DOCK10: variants seen among roughly 807,000 people sequenced by gnomAD.
The protein encoded by DOCK10 is dedicator of cytokinesis protein 10.
DOCK10 carries 145 observed loss-of-function variants against 280.1 expected under a neutral mutation model. That is an observed-to-expected ratio of 0.52 (90% CI 0.45 to 0.59). The LOEUF is 0.59. Among genes scored for constraint, DOCK10 ranks in the 20% least tolerant of loss-of-function variants. The probability of loss-of-function intolerance (pLI) is 0.00; values close to 1 mark genes in which losing one functional copy is unlikely to be tolerated. For missense variants in DOCK10, 2,368 were observed against 2,651.7 expected (o/e 0.89, Z 2.35); for synonymous variants, 915 against 942.2 (o/e 0.97, Z 0.53).
chr2:224,839,164 C>T (rs113171668), intron 24 of DOCK10, among the ~76,000 whole-genome samples: 2,542 of 152,006 alleles, frequency 0.017, 66 homozygotes, highest in African/African-American at 0.057. Context: ...CTGCAAGCTC[C>T]GCCTCCTGGG....
chr2:224,946,717 T>G (rs527658943), intron 1 of DOCK10: 13 of 552,968 alleles, frequency 2.4e-5, no homozygotes, highest in Non-Finnish European at 3.5e-5. Context: ...AGGACCCAAA[T>G]GGAATCTTCT....
chr2:224,858,970 T>A (rs1697327923), intron 14 of DOCK10, among the ~76,000 whole-genome samples: 1 of 152,120 alleles, frequency 6.6e-6, no homozygotes, highest in African/African-American at 2.4e-5. Flanking sequence ...AGCAGACATA[T>A]TTTTTGTGTG....
intron 42 of DOCK10, among the ~76,000 whole-genome samples, 165 bp downstream of exon 42, chr2:224,797,667 G>A (rs980180936): frequency 6.6e-6 from 1 of 152,198 alleles, no homozygotes; most frequent in East Asian, 1.9e-4. Flanking sequence ...TGTCAAGGCT[G>A]TGCACTCATT....
At chr2:225,011,453 G>A (rs191026961) in intron 1 of DOCK10, among the ~76,000 whole-genome samples, 1 of 152,294 alleles carries the variant, frequency 6.6e-6, no homozygotes, top group Admixed American at 6.5e-5. Flanking sequence ...TTAACTCTTA[G>A]AGTGTTGAAT....
intron 1 of DOCK10, among the ~76,000 whole-genome samples, chr2:224,957,070 T>G (rs978885368): frequency 1.3e-5 from 2 of 152,196 alleles, no homozygotes; most frequent in Non-Finnish European, 2.9e-5. Flanking sequence ...ATTTGTTGTT[T>G]GTGTGTGGGG....
intron 27 of DOCK10, among the ~76,000 whole-genome samples, chr2:224,825,269 C>T (rs1252900271): frequency 7.9e-5 from 12 of 152,070 alleles, no homozygotes; most frequent in African/African-American, 1.7e-4. Context: ...TGAGCCACCC[C>T]GCCTGGCCAG....
chr2:224,902,188 G>A (rs370888040), intron 3 of DOCK10, among the ~76,000 whole-genome samples: 72 of 152,212 alleles, frequency 4.7e-4, no homozygotes, highest in African/African-American at 1.6e-3. Context: ...AGCAATTTGG[G>A]TTTGGCAATG....
intron 1 of DOCK10, among the ~76,000 whole-genome samples, chr2:224,983,004 T>C (rs1253805917): frequency 6.6e-6 from 1 of 152,196 alleles, no homozygotes; most frequent in Non-Finnish European, 1.5e-5. Context: ...TGTTCCCCTG[T>C]GATTTCCTCT....
chr2:224,866,306 G>C (rs1396163694), intron 11 of DOCK10, among the ~76,000 whole-genome samples: 2 of 152,130 alleles, frequency 1.3e-5, no homozygotes, highest in African/African-American at 2.4e-5. Flanking sequence ...TGGGTCTGTT[G>C]TATGTGTCCT....
At chr2:224,838,013 A>G (rs1430687765) in intron 24 of DOCK10, among the ~76,000 whole-genome samples, 182 bp from the exon 25 acceptor site, 2 of 152,214 alleles carry the variant, frequency 1.3e-5, no homozygotes, top group Non-Finnish European at 1.5e-5. Context: ...TTTAATATCT[A>G]TAGCATCAAT....
intron 3 of DOCK10, among the ~76,000 whole-genome samples, chr2:224,909,807 T>TTTTTTTGTTTTTGTTTTTTGTTTTTTG (rs1553611074): frequency 8.5e-5 from 13 of 152,076 alleles, no homozygotes; most frequent in Non-Finnish European, 1.3e-4. Context: ...TGCAGTGTTT[T>TTTTTTTGTTTTTGTTTTTTGTTTTTTG]AATGGATGTG....
At chr2:224,845,751 T>A in intron 19 of DOCK10, 109 bp from the exon 20 acceptor site, 1 of 1,043,272 alleles carries the variant, frequency 9.6e-7, no homozygotes, top group Admixed American at 2.4e-5. Flanking sequence ...TGAGACTGCG[T>A]CTTACTCTGT....
At chr2:224,936,622 T>C (rs1305525807) in intron 1 of DOCK10, among the ~76,000 whole-genome samples, 1 of 101,496 alleles carries the variant, frequency 9.9e-6, no homozygotes, top group Non-Finnish European at 2.5e-5. Context: ...AAATTGTTTA[T>C]GTATTTATTG....
At chr2:224,984,768 G>A (rs1705919216) in intron 1 of DOCK10, among the ~76,000 whole-genome samples, 1 of 152,012 alleles carries the variant, frequency 6.6e-6, no homozygotes, top group South Asian at 2.1e-4. Flanking sequence ...TTAAGCTAGA[G>A]ATTGGGTTGG....
Position 224,885,825 on chromosome 2 carries a change from T to C in DOCK10, c.613-20A>G, listed in dbSNP as rs768120035. 1 of 1,607,330 alleles carries C rather than the reference T, an allele frequency of 6.2e-7. No individual in the cohort carries two copies. The highest frequency in any genetic ancestry group is 1.1e-5 in the South Asian group (1 of 89,824). On this transcript the variant is annotated intron_variant, in intron 6 of 55. Coordinates refer to ENST00000258390, the MANE Select transcript of DOCK10 (RefSeq NM_014689.3). Reference sequence around the variant, plus strand: ...GAATGACTAAATAAAGGAAAAGATATAAGGAGATATTCAAATTGTAATGTG... The same window carrying C: ...GAATGACTAAATAAAGGAAAAGATACAAGGAGATATTCAAATTGTAATGTG...
At chr2:224,804,266 T>C in intron 38 of DOCK10, 53 bp from the exon 39 acceptor site, 3 of 1,021,652 alleles carry the variant, frequency 2.9e-6, no homozygotes, top group Non-Finnish European at 3.0e-6. Context: ...AATTTACATA[T>C]AAAAATGAAT....
At chr2:224,972,103 A>G (rs1575134156) in intron 1 of DOCK10, among the ~76,000 whole-genome samples, 1 of 152,348 alleles carries the variant, frequency 6.6e-6, no homozygotes, top group East Asian at 1.9e-4. Flanking sequence ...AACAAAAATC[A>G]CAATATCCTT....
chr2:224,809,414 A>G (rs1380559537), intron 31 of DOCK10, among the ~76,000 whole-genome samples: 3 of 152,188 alleles, frequency 2.0e-5, no homozygotes, highest in African/African-American at 4.8e-5. Context: ...AGCAAACTAC[A>G]GATTGGGAGA....
At chr2:224,840,746 C>G (rs1695909005) in intron 23 of DOCK10, among the ~76,000 whole-genome samples, 3 of 152,198 alleles carry the variant, frequency 2.0e-5, no homozygotes, top group Admixed American at 2.0e-4. Context: ...TATAATCTAG[C>G]AATCCCACTA....
Sources: gnomAD v4.1 joint callset for allele counts (sites outside exome capture counted in the v4.1 genomes callset) on GRCh38, gnomAD v4.1.1 for gene constraint, MANE v1.5 for transcripts, NCBI Gene and HGNC (gene_info 2026-07-23, HGNC 2026-07-21) for gene names.